STPG2: variants seen among roughly 807,000 people sequenced by gnomAD.
STPG2 encodes the protein sperm-tail PG-rich repeat-containing protein 2.
A neutral mutation model predicts 54.2 loss-of-function variants in STPG2; 56 were observed. The ratio of observed to expected loss-of-function variants is 1.03; its 90% CI spans 0.83 to 1.29. STPG2 has a LOEUF of 1.29. Among genes scored for constraint, STPG2 ranks in the 50% most tolerant of loss-of-function variants. STPG2 has a pLI of 0.00. For missense variants in STPG2, 596 were observed against 544.9 expected (o/e 1.09, Z -0.93); for synonymous variants, 200 against 181.8 (o/e 1.10, Z -0.81).
intron 4 of STPG2, among the ~76,000 whole-genome samples, chr4:97,527,940 T>C (rs1179311828): frequency 6.6e-6 from 1 of 152,206 alleles, no homozygotes; most frequent in African/African-American, 2.4e-5. Context: ...TTTCTCCCAT[T>C]CTTTAGGTTG....
At chr4:97,814,023 C>T (rs1400600301) in intron 9 of STPG2, among the ~76,000 whole-genome samples, 1 of 152,014 alleles carries the variant, frequency 6.6e-6, no homozygotes, top group East Asian at 1.9e-4. Context: ...ATTGCATATA[C>T]TCACACCATT....
intron 5 of STPG2, among the ~76,000 whole-genome samples, chr4:98,076,243 CA>C (rs35410084): frequency 0.32 from 40,000 of 126,806 alleles, 5,457 homozygotes; most frequent in Middle Eastern, 0.39. Flanking sequence ...GACTCTGTCT[CA>C]AAAAAAAAAA....
chr4:97,588,897 C>A (rs988411696), intron 10 of STPG2, among the ~76,000 whole-genome samples: 2 of 152,082 alleles, frequency 1.3e-5, no homozygotes, highest in Non-Finnish European at 2.9e-5. Context: ...CTCTTCTTAG[C>A]ATTTAATTTG....
chr4:97,621,598 C>T (rs2865935), intron 10 of STPG2, among the ~76,000 whole-genome samples: 73,665 of 151,928 alleles, frequency 0.48, 19,859 homozygotes, highest in South Asian at 0.65. Context: ...AATCCTTGAA[C>T]AGACCAACAG....
chr4:97,500,990 C>T lies in STPG2; in HGVS notation c.462+211709G>A, dbSNP rs1730713934. ...CAATCAAGCACTTTCAAAACTATGG[C>T]ATGTAAGAACCTGTTTTTCTACTGC... On this transcript the variant is annotated intron_variant, in intron 4 of 4. Transcript: ENST00000522676. Among the ~76,000 whole-genome samples, 5 of 152,072 alleles carry T rather than the reference C, an allele frequency of 3.3e-5. No homozygotes were observed. In the South Asian group the frequency reaches 1.0e-3, roughly 32 times the overall value.
At chr4:97,792,738 C>T (rs1310754729) in intron 9 of STPG2, among the ~76,000 whole-genome samples, 1 of 152,210 alleles carries the variant, frequency 6.6e-6, no homozygotes, top group African/African-American at 2.4e-5. Context: ...TGTAACTTTA[C>T]TAGCTTCCTT....
intron 8 of STPG2, among the ~76,000 whole-genome samples, chr4:97,873,017 T>G (rs1217019040): frequency 6.6e-6 from 1 of 151,436 alleles, no homozygotes; most frequent in Non-Finnish European, 1.5e-5. Context: ...GAACTAGGTA[T>G]GTTCATTGCT....
At chr4:97,741,775 A>G (rs1381806842) in intron 9 of STPG2, among the ~76,000 whole-genome samples, 7 of 151,940 alleles carry the variant, frequency 4.6e-5, no homozygotes, top group African/African-American at 1.7e-4. Context: ...GGGACTGTAA[A>G]CTAGTTCAAC....
At chr4:97,845,746 A>G (rs183539681) in intron 8 of STPG2, among the ~76,000 whole-genome samples, 36 of 152,306 alleles carry the variant, frequency 2.4e-4, no homozygotes, top group Admixed American at 9.8e-4. Flanking sequence ...TTTTAAAATT[A>G]TTGTTTGAAA....
chr4:97,908,003 C>G (rs36137216), intron 8 of STPG2, among the ~76,000 whole-genome samples: 1 of 152,072 alleles, frequency 6.6e-6, no homozygotes, highest in Admixed American at 6.6e-5. Flanking sequence ...GCAACAAAAG[C>G]CAAAATTGAC....
At chr4:97,655,408 A>G (rs936679655) in intron 10 of STPG2, among the ~76,000 whole-genome samples, 1 of 152,120 alleles carries the variant, frequency 6.6e-6, no homozygotes, top group African/African-American at 2.4e-5. Context: ...TATTTTGTAG[A>G]TAACACTAAA....
chr4:97,884,263 C>T (rs867787067), intron 8 of STPG2, among the ~76,000 whole-genome samples: 23 of 152,258 alleles, frequency 1.5e-4, no homozygotes, highest in Middle Eastern at 3.4e-3. Flanking sequence ...TGAGCTGAAA[C>T]GTGTCTTCCC....
intron 5 of STPG2, among the ~76,000 whole-genome samples, chr4:98,080,290 G>A (rs1031753366): frequency 6.6e-6 from 1 of 151,482 alleles, no homozygotes; most frequent in Non-Finnish European, 1.5e-5. Flanking sequence ...ACAGGGTCTC[G>A]CTACATTGCC....
rs1407605492 is a variant in STPG2, at chr4:97,956,470, T to A, written c.934-12463A>T. On this transcript the variant is annotated intron_variant, in intron 7 of 10. Transcript: ENST00000295268. ...TGGAAGGACAGAGCAGTGTGTGGAG[T>A]CTCAGACCATGAACTTTTGCTCCAG... 2.0e-5 allele frequency among the ~76,000 whole-genome samples: 3 copies of A among 150,412 alleles called. No individual in the cohort carries two copies. In the East Asian group the frequency reaches 5.9e-4, roughly 29 times the overall value.
intron 5 of STPG2, among the ~76,000 whole-genome samples, chr4:97,982,318 T>G (rs74874066): frequency 0.018 from 2,697 of 151,958 alleles, 67 homozygotes; most frequent in African/African-American, 0.062. Flanking sequence ...CTTTTTTTCT[T>G]TGCCAACTCT....
At chr4:97,539,054 GA>G (rs1283604147) in intron 4 of STPG2, among the ~76,000 whole-genome samples, 2 of 152,144 alleles carry the variant, frequency 1.3e-5, no homozygotes, top group African/African-American at 4.8e-5. Flanking sequence ...ACTAAACATG[GA>G]AAGGAAAAAC....
Position 97,488,414 on chromosome 4 carries a change from A to C in STPG2, c.462+224285T>G, listed in dbSNP as rs534580151. On this transcript the variant is annotated intron_variant, in intron 4 of 4. Coordinates refer to the STPG2 transcript ENST00000522676. The stretch of plus-strand genomic sequence containing the variant: ...AGAAAGATTAACTATTTTGCTGAAG[A>C]TCAAACAGTAATTTATTTACATGCA... Among the ~76,000 whole-genome samples the C allele has an allele frequency of 1.3e-3, 192 of 151,864 alleles. 3 individuals carry two copies. The highest frequency in any genetic ancestry group is 5.8e-3 in the South Asian group (28 of 4,824).
At chr4:97,574,588 A>G (rs1409639037) in intron 10 of STPG2, among the ~76,000 whole-genome samples, 2 of 152,040 alleles carry the variant, frequency 1.3e-5, no homozygotes, top group Non-Finnish European at 2.9e-5. Flanking sequence ...GACACTTGTC[A>G]CATGAAGGCC....
In STPG2 at chr4:97,442,222, TTTTTG is replaced by T. The variant is rs1340177654; in HGVS notation, c.463-254394_463-254390del. ...TCACTTTTACTACATGACATGTTTT[TTTTTG>T]TTTTTTTTTTATTCAGATGGTTACT... is the stretch of plus-strand genomic sequence containing the variant. On this transcript the variant is annotated intron_variant, in intron 4 of 4. Coordinates refer to the STPG2 transcript ENST00000522676. Among the ~76,000 whole-genome samples the T allele has an allele frequency of 1.7e-3, 265 of 151,590 alleles. 1 individual carries two copies. Among genetic ancestry groups the T allele is most frequent in the African/African-American group, 6.1e-3 (252 of 41,156 alleles).
Sources: gnomAD v4.1 joint callset for allele counts (sites outside exome capture counted in the v4.1 genomes callset) on GRCh38, gnomAD v4.1.1 for gene constraint, MANE v1.5 for transcripts, NCBI Gene and HGNC (gene_info 2026-07-23, HGNC 2026-07-21) for gene names.